Variants in EXD3 observed in about 807,000 individuals in gnomAD.
EXD3 encodes exonuclease mut-7 homolog.
A neutral mutation model predicts 98.0 loss-of-function variants in EXD3; 92 were observed. The observed-to-expected ratio is 0.94, with a 90% CI of 0.79 to 1.12. The LOEUF is 1.12. Among genes scored for constraint, EXD3 ranks in the 50% most tolerant of loss-of-function variants. The pLI, the probability that EXD3 is intolerant of heterozygous loss-of-function variation, is 0.00. For synonymous variants in EXD3, 569 were observed against 526.0 expected (o/e 1.08, Z -1.12); for missense variants, 1,222 against 1,191.6 (o/e 1.03, Z -0.38).
At chr9:137,344,475 G>A (rs1833819233) in intron 17 of EXD3, among the ~76,000 whole-genome samples, 2 of 152,284 alleles carry the variant, frequency 1.3e-5, no homozygotes, top group East Asian at 1.9e-4. Flanking sequence ...TCGCTGGCAC[G>A]TTTCCTGTCC....
At chr9:137,355,683 GAAGGAGAA>G (rs1834716723) in intron 8 of EXD3, among the ~76,000 whole-genome samples, 1 of 102,086 alleles carries the variant, frequency 9.8e-6, no homozygotes, top group Non-Finnish European at 2.2e-5. Flanking sequence ...GAGGATGGAG[GAAGGAGAA>G]AGGGAGGAAG....
chr9:137,372,986 G>T lies in EXD3; in HGVS notation c.381C>A (p.Ser127Arg). The T allele has an allele frequency of 6.2e-7, 1 of 1,604,878 alleles. No individual in the cohort carries two copies. Among genetic ancestry groups the T allele is most frequent in the Non-Finnish European group, 8.5e-7 (1 of 1,179,672 alleles). ...TGTCTGCATCCTGCAGCTGGAAGAT[G>T]CTGGCCAGTGGTGCCGCAAGGCTGG... ...SPPSLAAPLA[S>R]IFQLQDADRS... Residue 127 changes from serine (S) to arginine (R), a missense_variant, in exon 5 of 22, where the codon AGC becomes AGA. Physicochemically the swap from Ser to Arg is moderately radical, Grantham distance 110. Transcript: ENST00000340951.
At position 137,332,571 on chromosome 9, in the gene EXD3, C is replaced by T. The variant is rs189994451; in HGVS notation, c.1999-8428G>A. Among the ~76,000 whole-genome samples the T allele has an allele frequency of 1.5e-4, 22 of 151,356 alleles. No homozygotes were observed. The East Asian group carries it at 3.3e-3, about 23-fold the overall frequency. Reference sequence around the variant, plus strand: ...AAGGGTACATGGTATTGGCCAGGCGCAGTGGCTCACGCCTGTAATCCCAGC... The same window carrying T: ...AAGGGTACATGGTATTGGCCAGGCGTAGTGGCTCACGCCTGTAATCCCAGC... On this transcript the variant is annotated intron_variant, in intron 17 of 21. Coordinates refer to ENST00000340951, the MANE Select transcript of EXD3 (RefSeq NM_017820.5).
At chr9:137,351,984 A>G (rs1293056032) in intron 12 of EXD3, 82 bp downstream of exon 12, 30 of 1,499,474 alleles carry the variant, frequency 2.0e-5, no homozygotes, top group Non-Finnish European at 2.6e-5. Flanking sequence ...CCTCTCTCCG[A>G]ATGCCATGCC....
chr9:137,367,249 G>A (rs111765027), intron 6 of EXD3, among the ~76,000 whole-genome samples: 35 of 152,318 alleles, frequency 2.3e-4, no homozygotes, highest in Non-Finnish European at 4.3e-4. Context: ...CGGGCAGAAC[G>A]CGAAGCCCCA....
chr9:137,384,658 G>A (rs142776364), intron 2 of EXD3, among the ~76,000 whole-genome samples: 11 of 152,324 alleles, frequency 7.2e-5, no homozygotes, highest in African/African-American at 2.6e-4. Flanking sequence ...TCAAAACTAC[G>A]CCGTTAGAAT....
intron 17 of EXD3, among the ~76,000 whole-genome samples, chr9:137,328,485 A>ACTAATATACTCCC (rs1336695260): frequency 7.2e-5 from 11 of 151,746 alleles, no homozygotes; most frequent in East Asian, 4.0e-4. Flanking sequence ...AGTAAAAACA[A>ACTAATATACTCCC]AAGTAAAAAC....
chr9:137,333,582 G>A (rs1348590278), intron 17 of EXD3, among the ~76,000 whole-genome samples: 1 of 152,130 alleles, frequency 6.6e-6, no homozygotes, highest in African/African-American at 2.4e-5. Context: ...CTCAGGAGTG[G>A]CTTAGCACTG....
intron 6 of EXD3, chr9:137,367,630 T>C (rs1189445745): frequency 2.9e-6 from 1 of 344,612 alleles, no homozygotes; most frequent in East Asian, 6.7e-5. Context: ...ATGGGCTGCG[T>C]GTCCTCGAGG....
At position 137,349,284 on chromosome 9, in the gene EXD3, T is replaced by C. The variant is rs774290255; in HGVS notation, c.1658-2A>G. 22 of 1,563,228 alleles carry C rather than the reference T, an allele frequency of 1.4e-5. No homozygotes were observed. Among genetic ancestry groups the C allele is most frequent in the South Asian group, 2.3e-5 (2 of 86,580 alleles). On this transcript the variant is annotated splice_acceptor_variant, in intron 15 of 21. Coordinates refer to ENST00000340951, the MANE Select transcript of EXD3 (RefSeq NM_017820.5). LOFTEE classifies it high-confidence loss of function. The surrounding 1 kb of genome is among the most constrained non-coding windows in gnomAD (Gnocchi z 7.4). Reference sequence around the variant, plus strand: ...CCAGCAGGCAGTAGGCGTCGGCAGCTGTGTGGGGAGTCGGCCTCAGCCTCC... The same window carrying C: ...CCAGCAGGCAGTAGGCGTCGGCAGCCGTGTGGGGAGTCGGCCTCAGCCTCC...
At chr9:137,387,051 C>A (rs1426296739) in intron 2 of EXD3, among the ~76,000 whole-genome samples, 2 of 151,828 alleles carry the variant, frequency 1.3e-5, no homozygotes, top group South Asian at 2.1e-4. Flanking sequence ...CCTCCCTCAG[C>A]ACCCCTGCTC....
In EXD3 at chr9:137,328,283, A is replaced by C. The variant is rs899124877; in HGVS notation, c.1999-4140T>G. Reference sequence around the variant, plus strand: ...ACAACAAATAAACACCCACATGATGAGTAAAAACAACGAATAAACACCCAT... The same window carrying C: ...ACAACAAATAAACACCCACATGATGCGTAAAAACAACGAATAAACACCCAT... On this transcript the variant is annotated intron_variant, in intron 17 of 21. Coordinates refer to ENST00000340951, the MANE Select transcript of EXD3 (RefSeq NM_017820.5). 3.2e-3 allele frequency among the ~76,000 whole-genome samples: 409 copies of C among 128,568 alleles called. 41 individuals carry two copies. The highest frequency in any genetic ancestry group is 8.1e-3 in the African/African-American group (273 of 33,872). 84.3% of individuals were successfully genotyped at this position (128,568 alleles called of 152,430 possible).
chr9:137,308,846 C>T (rs1231363564), intron 20 of EXD3, among the ~76,000 whole-genome samples: 6 of 152,132 alleles, frequency 3.9e-5, no homozygotes, highest in Admixed American at 3.9e-4. Flanking sequence ...CCATGTTAGC[C>T]ACCACCATTG....
At chr9:137,346,819 T>C (rs909420237) in intron 17 of EXD3, among the ~76,000 whole-genome samples, 3 of 152,170 alleles carry the variant, frequency 2.0e-5, no homozygotes, top group African/African-American at 7.2e-5. Flanking sequence ...ACATTCTTTT[T>C]TTCTATTGTT....
chr9:137,372,976 G>A lies in EXD3; in HGVS notation c.391C>T (p.Leu131=), dbSNP rs763343141. Residue 131 remains leucine (L), a synonymous_variant, in exon 5 of 22, where the codon CTG becomes TTG. Coordinates refer to ENST00000340951, the MANE Select transcript of EXD3 (RefSeq NM_017820.5). ...LAAPLASIFQ[L]QDADRSCLLA... ...AGGCAGCTCCTGTCTGCATCCTGCA[G>A]CTGGAAGATGCTGGCCAGTGGTGCC... 8 of 1,604,164 alleles carry A rather than the reference G, an allele frequency of 5.0e-6. No individual in the cohort carries two copies. The Admixed American group carries it at 1.3e-4, about 27-fold the overall frequency.
At chr9:137,340,481 GA>G (rs955596262) in intron 17 of EXD3, among the ~76,000 whole-genome samples, 7 of 142,606 alleles carry the variant, frequency 4.9e-5, no homozygotes, top group Non-Finnish European at 7.7e-5. Flanking sequence ...CATCTCAAAA[GA>G]AAAAAAAAAG....
chr9:137,422,960 G>C (rs904967047), intron 1 of EXD3, among the ~76,000 whole-genome samples, 154 bp downstream of exon 1: 5 of 152,106 alleles, frequency 3.3e-5, no homozygotes, highest in African/African-American at 9.6e-5. Context: ...CGCCCCATCG[G>C]GGCCTCAGTT....
intron 19 of EXD3, among the ~76,000 whole-genome samples, chr9:137,316,305 C>T (rs1364312829): frequency 1.3e-5 from 2 of 151,990 alleles, no homozygotes; most frequent in Non-Finnish European, 2.9e-5. Flanking sequence ...GCCGCCCGCC[C>T]GCGGCCTTCG....
chr9:137,354,910 C>A (rs562700958), intron 8 of EXD3, 137 bp from the exon 9 acceptor site: 1 of 836,644 alleles, frequency 1.2e-6, no homozygotes, highest in Non-Finnish European at 1.8e-6. Context: ...GAGCCCACCC[C>A]CTCCTCACCA....
Sources: allele counts gnomAD v4.1 joint callset (sites outside exome capture counted in the v4.1 genomes callset), GRCh38; gene constraint gnomAD v4.1.1; non-coding constraint Gnocchi (gnomAD v3.1); transcripts MANE v1.5; gene names NCBI Gene and HGNC (gene_info 2026-07-23, HGNC 2026-07-21).